Variants in ARFGAP2 observed in about 807,000 individuals in gnomAD.
The protein encoded by ARFGAP2 is ADP-ribosylation factor GTPase-activating protein 2.
A neutral mutation model predicts 71.9 loss-of-function variants in ARFGAP2; 45 were observed. The ratio of observed to expected loss-of-function variants is 0.63; its 90% confidence interval spans 0.49 to 0.80. ARFGAP2 has a LOEUF of 0.80. Ranked by LOEUF, ARFGAP2 falls within the 30% of genes least tolerant of loss-of-function variation. The pLI is 0.00. For missense variants in ARFGAP2, 633 were observed against 673.9 expected, an observed-to-expected ratio of 0.94 and a Z score of 0.67; for synonymous variants, 248 against 249.2, an observed-to-expected ratio of 1.00 and a Z score of 0.05.
In ARFGAP2 at chr11:47,165,353, CCCACACACACA is replaced by C; in HGVS notation, c.*118_*128del. On this transcript the variant is annotated 3_prime_UTR_variant, in exon 16 of 16. Transcript: ENST00000524782. The stretch of plus-strand genomic sequence containing the variant: ...CAGGAGTGAGCGCCTCAAAGGCCAC[CCCACACACACA>C]CCACACATACGAAGTAACAAATCCT... 7.8e-7 allele frequency: 1 copy of C among 1,278,044 alleles called. No individual in the cohort carries two copies. Among genetic ancestry groups the C allele is most frequent in the East Asian group, 2.5e-5 (1 of 39,654 alleles). 79.2% of individuals were successfully genotyped at this position (1,278,044 alleles called of 1,614,324 possible).
chr11:47,170,675 C>A (rs558871493), intron 10 of ARFGAP2, among the ~76,000 whole-genome samples: 1 of 152,178 alleles, frequency 6.6e-6, no homozygotes, highest in African/African-American at 2.4e-5. Flanking sequence ...GCCATAGCAG[C>A]CAGACATGGT....
Position 47,166,209 on chromosome 11 carries a change from A to C in ARFGAP2, c.1545+59T>G, listed in dbSNP as rs575757553. Reference sequence around the variant, plus strand: ...GGGGCTGAGCAGTAGCAGTGTCTCTATGTGGTGGCGAAGGGCAAACCTCCC... The same window carrying C: ...GGGGCTGAGCAGTAGCAGTGTCTCTCTGTGGTGGCGAAGGGCAAACCTCCC... On this transcript the variant is annotated intron_variant, in intron 15 of 15. Transcript: ENST00000524782. 5 of 1,542,850 alleles carry C rather than the reference A, an allele frequency of 3.2e-6. No individual in the cohort carries two copies. In the South Asian group the frequency reaches 4.5e-5, roughly 14 times the overall value.
chr11:47,173,564 C>T (rs928353754), intron 6 of ARFGAP2, 82 bp from the exon 7 acceptor site: 8 of 1,464,890 alleles, frequency 5.5e-6, no homozygotes, highest in African/African-American at 1.4e-5. Context: ...GGACAAGAAT[C>T]GGTGGCTTTC....
chr11:47,170,601 C>T (rs1301475737), intron 10 of ARFGAP2, among the ~76,000 whole-genome samples: 1 of 152,038 alleles, frequency 6.6e-6, no homozygotes, highest in African/African-American at 2.4e-5. Context: ...GAGCCAAGAT[C>T]GTGCCATTGC....
chr11:47,171,257 T>C (rs1277850494), intron 10 of ARFGAP2, among the ~76,000 whole-genome samples, 169 bp downstream of exon 10: 1 of 152,222 alleles, frequency 6.6e-6, no homozygotes, highest in Non-Finnish European at 1.5e-5. Flanking sequence ...ACTGAGCACA[T>C]ACCTACTATG....
chr11:47,166,277 A>G lies in ARFGAP2; in HGVS notation c.1536T>C (p.Asn512=). 1.2e-6 allele frequency: 2 copies of G among 1,614,170 alleles called. No individual in the cohort carries two copies. ...CCCACTTCAGCCTCACCTGCAAGGA[A>G]TTCATCACACCATTGGCCAGCACAG... ...KMAVLANGVM[N]SLQDRYGSY The change falls in exon 15 of 16, where the codon AAT becomes AAC. Residue 512 remains asparagine (N), a synonymous_variant. Transcript: ENST00000524782.
At chr11:47,172,357 G>A in intron 7 of ARFGAP2, 24 bp from the exon 8 acceptor site, 1 of 1,614,024 alleles carries the variant, frequency 6.2e-7, no homozygotes, top group African/African-American at 1.3e-5. Flanking sequence ...GGGTAGGCAT[G>A]AGCTAAGACA....
chr11:47,171,920 A>C lies in ARFGAP2; in HGVS notation c.673-120T>G. On this transcript the variant is annotated intron_variant, in intron 8 of 15. Coordinates refer to ENST00000524782, the MANE Select transcript of ARFGAP2 (RefSeq NM_032389.6). Reference sequence around the variant, plus strand: ...CCCTTCTTAAAATTTAGGGTAAAAAACAGGAGCCCAACCAGCATGGCCAAG... The same window carrying C: ...CCCTTCTTAAAATTTAGGGTAAAAACCAGGAGCCCAACCAGCATGGCCAAG... The C allele has an allele frequency of 2.1e-6, 3 of 1,408,788 alleles. No homozygotes were observed. In the South Asian group the frequency reaches 4.1e-5, roughly 19 times the overall value. The allele number at this position is 1,408,788 out of a possible 1,614,324, so 87.3% of individuals were successfully genotyped here.
intron 10 of ARFGAP2, among the ~76,000 whole-genome samples, chr11:47,170,902 C>T (rs1311343575): frequency 6.6e-6 from 1 of 152,042 alleles, no homozygotes; most frequent in African/African-American, 2.4e-5. Flanking sequence ...GCTGAGATCA[C>T]ACCATTACAC....
chr11:47,166,062 C>A (rs1193195826), intron 15 of ARFGAP2, among the ~76,000 whole-genome samples: 2 of 152,126 alleles, frequency 1.3e-5, no homozygotes, highest in Admixed American at 1.3e-4. Flanking sequence ...CGGGGTTTTG[C>A]CATGTTGGTC....
Position 47,175,005 on chromosome 11 carries a change from G to C in ARFGAP2, c.480+10C>G. On this transcript the variant is annotated intron_variant, in intron 5 of 15. Transcript: ENST00000524782. ...AACAACTGGGAAAACGGTTCCTTGT[G>C]GGCACTCACTTGAGTGTGTTCTGTG... 1 of 1,613,844 alleles carries C rather than the reference G, an allele frequency of 6.2e-7. No individual in the cohort carries two copies. The highest frequency in any genetic ancestry group is 8.5e-7 in the Non-Finnish European group (1 of 1,179,804).
Position 47,175,209 on chromosome 11 carries a change from A to G in ARFGAP2, c.369T>C (p.Ser123=), listed in dbSNP as rs1952753062. ...CAGTGCCATGCCTAGCCAGGGCCGC[A>G]CTCCCCAGCTGCCGGATCTTCTCCC... The part of the protein sequence containing the change: ...MYREKIRQLG[S]AALARHGTDL... Residue 123 remains serine, a synonymous_variant, in exon 4 of 16, where the codon AGT becomes AGC. Coordinates refer to ENST00000524782, the MANE Select transcript of ARFGAP2 (RefSeq NM_032389.6). 2.5e-6 allele frequency: 4 copies of G among 1,613,534 alleles called. No homozygotes were observed. The highest frequency in any genetic ancestry group is 1.3e-5 in the African/African-American group (1 of 74,696).
chr11:47,175,461 G>A, intron 3 of ARFGAP2, 148 bp from the exon 4 acceptor site: 1 of 1,307,122 alleles, frequency 7.7e-7, no homozygotes, highest in Non-Finnish European at 1.1e-6. Context: ...CAGAGATAAA[G>A]TTTCTCGAAA....
intron 4 of ARFGAP2, 27 bp downstream of exon 4, chr11:47,175,155 G>T (rs1250151500): frequency 1.2e-6 from 2 of 1,613,924 alleles, no homozygotes; most frequent in Non-Finnish European, 1.7e-6. Context: ...TAACCCTCCT[G>T]CCCCAGCCCC....
In ARFGAP2 at chr11:47,174,162, C is replaced by A. The variant is rs183431323; in HGVS notation, c.481-322G>T. ...AATATATTTAATTATCACTACAACCCCTATGAAGGAGCTACATCGCCATTT... is the reference window on the plus strand; with the variant it reads ...AATATATTTAATTATCACTACAACCACTATGAAGGAGCTACATCGCCATTT... On this transcript the variant is annotated intron_variant, in intron 5 of 15. Transcript: ENST00000524782. Among the ~76,000 whole-genome samples the A allele has an allele frequency of 2.4e-3, 366 of 152,176 alleles. 1 individual carries two copies. The highest frequency in any genetic ancestry group is 3.9e-3 in the Non-Finnish European group (268 of 68,008).
intron 3 of ARFGAP2, chr11:47,175,584 C>A: frequency 1.6e-6 from 1 of 627,118 alleles, no homozygotes; most frequent in South Asian, 1.9e-5. Context: ...ATCCTTCATC[C>A]AGGGCAGGCC....
intron 15 of ARFGAP2, 64 bp downstream of exon 15, chr11:47,166,204 T>C (rs1952368865): frequency 6.6e-7 from 1 of 1,522,758 alleles, no homozygotes; most frequent in South Asian, 1.1e-5. Context: ...AGTAGCAGTG[T>C]CTCTATGTGG....
At chr11:47,173,333 C>T in intron 7 of ARFGAP2, 93 bp downstream of exon 7, 9 of 1,402,358 alleles carry the variant, frequency 6.4e-6, no homozygotes, top group Non-Finnish European at 8.9e-6. Context: ...CCTGTGGCCT[C>T]TGTCCACACG....
At chr11:47,171,970 G>A in intron 8 of ARFGAP2, 170 bp from the exon 9 acceptor site, 1 of 1,055,984 alleles carries the variant, frequency 9.5e-7, no homozygotes, top group South Asian at 1.6e-5. Context: ...CTGGAGCTGG[G>A]CATGGGCGGC....
Sources: allele counts gnomAD v4.1 joint callset (sites outside exome capture counted in the v4.1 genomes callset), GRCh38; gene constraint gnomAD v4.1.1; transcripts MANE v1.5; gene names NCBI Gene and HGNC (gene_info 2026-07-23, HGNC 2026-07-21).